The following PTPRK variants were observed in gnomAD, a reference collection of about 807,000 sequenced individuals.
The protein encoded by PTPRK is protein tyrosine phosphatase receptor type K, also known as receptor-type tyrosine-protein phosphatase kappa.
Under a neutral mutation model 178.0 loss-of-function variants are expected in PTPRK, and 75 were observed. The observed-to-expected ratio is 0.42, with a 90% CI of 0.35 to 0.51. The LOEUF (loss-of-function observed/expected upper bound fraction) is 0.51. PTPRK is among the 20% of genes least tolerant of loss of function. The pLI is 0.02. For synonymous variants in PTPRK, 637 were observed against 620.6 expected (o/e 1.03, Z -0.39); for missense variants, 1,441 against 1,797.8 (o/e 0.80, Z 3.59).
chr6:128,517,106 A>G (rs1232027015), intron 1 of PTPRK, among the ~76,000 whole-genome samples: 2 of 151,906 alleles, frequency 1.3e-5, no homozygotes, highest in African/African-American at 4.8e-5. Context: ...GTGCGCACAC[A>G]CACACTCACA....
chr6:128,198,676 T>G (rs1805363584), intron 6 of PTPRK, among the ~76,000 whole-genome samples: 1 of 152,186 alleles, frequency 6.6e-6, no homozygotes, highest in African/African-American at 2.4e-5. Flanking sequence ...TTTTTGCCAT[T>G]TATACACTTA....
intron 3 of PTPRK, among the ~76,000 whole-genome samples, chr6:128,289,455 TAC>T (rs1242503895): frequency 6.6e-6 from 1 of 152,162 alleles, no homozygotes; most frequent in African/African-American, 2.4e-5. Context: ...ATGTCTGACT[TAC>T]AGTTTAAATG....
chr6:128,329,867 C>T (rs1408700517), intron 2 of PTPRK, among the ~76,000 whole-genome samples: 2 of 152,182 alleles, frequency 1.3e-5, no homozygotes, highest in South Asian at 2.1e-4. Context: ...CAAAATTGAC[C>T]GTCACAAAGG....
At chr6:128,335,824 C>T (rs1830849466) in intron 2 of PTPRK, among the ~76,000 whole-genome samples, 1 of 151,992 alleles carries the variant, frequency 6.6e-6, no homozygotes, top group African/African-American at 2.4e-5. Flanking sequence ...AAAATCCCCT[C>T]AGTCTACATT....
chr6:128,397,997 G>T (rs1840547501), intron 1 of PTPRK, among the ~76,000 whole-genome samples: 2 of 152,180 alleles, frequency 1.3e-5, no homozygotes, highest in Non-Finnish European at 2.9e-5. Context: ...GTTAGTGGTA[G>T]AGGATCTTGA....
chr6:128,095,802 T>G (rs1158528786), intron 7 of PTPRK, among the ~76,000 whole-genome samples: 1 of 152,216 alleles, frequency 6.6e-6, no homozygotes. Context: ...GAATCTTGAC[T>G]TATTTTATTA....
chr6:128,128,023 A>T (rs1267603468), intron 7 of PTPRK, among the ~76,000 whole-genome samples: 4 of 152,336 alleles, frequency 2.6e-5, no homozygotes, highest in Admixed American at 6.5e-5. Flanking sequence ...CAAAATGTAG[A>T]AATTAATGAG....
chr6:128,308,768 C>A (rs1826812483), intron 3 of PTPRK, among the ~76,000 whole-genome samples: 1 of 152,138 alleles, frequency 6.6e-6, no homozygotes, highest in Non-Finnish European at 1.5e-5. Context: ...GAACATATGT[C>A]CAGAAAGACA....
At chr6:128,139,731 C>T (rs1211107867) in intron 7 of PTPRK, among the ~76,000 whole-genome samples, 3 of 152,030 alleles carry the variant, frequency 2.0e-5, no homozygotes, top group African/African-American at 7.2e-5. Flanking sequence ...TCAGAATCAA[C>T]ATCCAGGAGC....
At chr6:128,153,842 TC>T (rs1292758868) in intron 7 of PTPRK, among the ~76,000 whole-genome samples, 1 of 151,920 alleles carries the variant, frequency 6.6e-6, no homozygotes, top group Non-Finnish European at 1.5e-5. Context: ...AATGGTCTTT[TC>T]CCCTGAAATA....
At chr6:128,168,183 A>T (rs1034572697) in intron 7 of PTPRK, among the ~76,000 whole-genome samples, 1 of 152,076 alleles carries the variant, frequency 6.6e-6, no homozygotes, top group Non-Finnish European at 1.5e-5. Flanking sequence ...ACATCTCCCA[A>T]ATAAGCGGCA....
At chr6:128,295,888 T>A (rs1387590824) in intron 3 of PTPRK, among the ~76,000 whole-genome samples, 1 of 152,100 alleles carries the variant, frequency 6.6e-6, no homozygotes, top group Non-Finnish European at 1.5e-5. Context: ...CACTGTAACT[T>A]TTATGTATAG....
chr6:128,394,950 T>G (rs1047047732), intron 2 of PTPRK, among the ~76,000 whole-genome samples: 3 of 152,146 alleles, frequency 2.0e-5, no homozygotes, highest in African/African-American at 7.2e-5. Context: ...ACAAGTTAGG[T>G]TTGGAGAGCC....
intron 21 of PTPRK, among the ~76,000 whole-genome samples, chr6:127,988,146 C>A (rs1391662442): frequency 2.1e-5 from 3 of 143,346 alleles, no homozygotes; most frequent in Non-Finnish European, 4.6e-5. Context: ...TTTTCATGTT[C>A]TTGAATGAAA....
intron 16 of PTPRK, among the ~76,000 whole-genome samples, chr6:127,997,519 CCTT>C (rs532689449): frequency 2.8e-4 from 43 of 152,086 alleles, no homozygotes; most frequent in African/African-American, 1.0e-3. Flanking sequence ...AATAGAGTCC[CCTT>C]CTTCAAGAAT....
chr6:128,452,034 G>A (rs545591700), intron 1 of PTPRK, among the ~76,000 whole-genome samples: 5 of 152,240 alleles, frequency 3.3e-5, no homozygotes, highest in Non-Finnish European at 5.9e-5. Flanking sequence ...TTGCCCTCAA[G>A]TTGCTTATAG....
chr6:128,343,606 G>A (rs938542525), intron 2 of PTPRK, among the ~76,000 whole-genome samples: 17 of 151,422 alleles, frequency 1.1e-4, no homozygotes, highest in Admixed American at 4.6e-4. Context: ...TAAAGAACTA[G>A]AATATGAATG....
At chr6:128,391,056 A>T (rs1187273720) in intron 2 of PTPRK, among the ~76,000 whole-genome samples, 1 of 152,154 alleles carries the variant, frequency 6.6e-6, no homozygotes, top group African/African-American at 2.4e-5. Context: ...TATAAAACAG[A>T]TAAGTTCCAG....
chr6:128,449,954 A>C (rs1273836609), intron 1 of PTPRK, among the ~76,000 whole-genome samples: 1 of 151,822 alleles, frequency 6.6e-6, no homozygotes, highest in Non-Finnish European at 1.5e-5. Context: ...AAAAAAAAAA[A>C]AAAAATTGCC....
Sources: gnomAD v4.1 joint callset for allele counts (sites outside exome capture counted in the v4.1 genomes callset) on GRCh38, gnomAD v4.1.1 for gene constraint, MANE v1.5 for transcripts, NCBI Gene and HGNC (gene_info 2026-07-23, HGNC 2026-07-21) for gene names.